Variants in FRK observed in about 807,000 individuals in gnomAD.
FRK encodes fyn related Src family tyrosine kinase, also known as tyrosine-protein kinase FRK.
Under a neutral mutation model 56.4 loss-of-function variants are expected in FRK, and 51 were observed. The ratio of observed to expected loss-of-function variants is 0.90; its 90% CI spans 0.72 to 1.14. FRK has a LOEUF of 1.14. Ranked by LOEUF, FRK falls within the 50% of genes most tolerant of loss-of-function variation. The pLI, the probability that FRK is intolerant of heterozygous loss-of-function variation, is 0.00. For synonymous variants in FRK, 245 were observed against 217.9 expected (o/e 1.12, Z -1.10); for missense variants, 570 against 601.4 (o/e 0.95, Z 0.55).
At position 116,027,842 on chromosome 6, in the gene FRK, A is replaced by G. The variant is rs563151886; in HGVS notation, c.345-23844T>C. Among the ~76,000 whole-genome samples the G allele has an allele frequency of 6.1e-4, 93 of 152,214 alleles. 1 individual carries two copies. In the South Asian group the frequency reaches 0.019, roughly 31 times the overall value. On this transcript the variant is annotated intron_variant, in intron 1 of 7. Transcript: ENST00000606080. ...TGAAACATGAGCTTTGAGTTTAAAA[A>G]AAAAAAGGCTGATATATAGGAGTGG...
At chr6:116,008,348 A>G (rs961888644) in intron 1 of FRK, among the ~76,000 whole-genome samples, 3 of 152,204 alleles carry the variant, frequency 2.0e-5, no homozygotes, top group African/African-American at 4.8e-5. Context: ...ATCACACTAG[A>G]ATTGAATCCA....
At chr6:116,066,878 T>C in the FRK span, among the ~76,000 whole-genome samples, 1 of 152,332 alleles carries the variant, frequency 6.6e-6, no homozygotes, top group East Asian at 1.9e-4. Flanking sequence ...CCACTCTGTC[T>C]AAAGTAGCAA....
rs977149310 is a variant in FRK, at chr6:115,994,328, C to T, written c.466+9549G>A. Among the ~76,000 whole-genome samples, 6 of 103,522 alleles carry T rather than the reference C, an allele frequency of 5.8e-5. 1 individual carries two copies. The highest frequency in any genetic ancestry group is 1.9e-4 in the African/African-American group (6 of 30,800). The allele number at this position is 103,522 out of a possible 152,430, so 67.9% of individuals were successfully genotyped here. A position where few individuals can be genotyped will look rare whatever the true frequency, so the allele number is the denominator to read the frequency against. ...GGTATCCAGAATCTCACAACCTCCC[C>T]CCCCCCCGCCTTTTTTTTGTCATTA... is the stretch of plus-strand genomic sequence containing the variant. On this transcript the variant is annotated intron_variant, in intron 2 of 7. Transcript: ENST00000606080.
chr6:116,088,520 T>C, the FRK span, among the ~76,000 whole-genome samples: 1 of 152,210 alleles, frequency 6.6e-6, no homozygotes, highest in Non-Finnish European at 1.5e-5. Flanking sequence ...AACATTTATA[T>C]TTTGTTGCAT....
At chr6:116,091,677 C>T in the FRK span, among the ~76,000 whole-genome samples, 1 of 152,172 alleles carries the variant, frequency 6.6e-6, no homozygotes, top group Non-Finnish European at 1.5e-5. Context: ...AAACACCAGG[C>T]AACTGTTGGC....
chr6:116,029,078 C>T (rs1165633442), intron 1 of FRK, among the ~76,000 whole-genome samples: 1 of 152,094 alleles, frequency 6.6e-6, no homozygotes, highest in Non-Finnish European at 1.5e-5. Flanking sequence ...AAGCTCCTTC[C>T]TCAGGGACTT....
At chr6:115,961,241 G>A (rs1773345865) in intron 4 of FRK, among the ~76,000 whole-genome samples, 1 of 111,848 alleles carries the variant, frequency 8.9e-6, no homozygotes, top group Non-Finnish European at 1.8e-5. Context: ...AGAACTACGT[G>A]AAGAATGCAG....
At chr6:116,041,614 A>T (rs1202335453) in intron 1 of FRK, among the ~76,000 whole-genome samples, 2 of 152,134 alleles carry the variant, frequency 1.3e-5, no homozygotes, top group Non-Finnish European at 2.9e-5. Flanking sequence ...CAGAAGAATG[A>T]GGCGTCGCCT....
intron 2 of FRK, among the ~76,000 whole-genome samples, chr6:115,972,507 T>C (rs1483316520): frequency 6.6e-6 from 1 of 152,198 alleles, no homozygotes; most frequent in African/African-American, 2.4e-5. Context: ...GGGGGTTCCA[T>C]AGTGTGCCAA....
At chr6:115,955,060 G>C (rs1772932216) in intron 5 of FRK, among the ~76,000 whole-genome samples, 1 of 152,046 alleles carries the variant, frequency 6.6e-6, no homozygotes, top group South Asian at 2.1e-4. Context: ...AGTAAAGGGG[G>C]AATAAAATTT....
intron 2 of FRK, among the ~76,000 whole-genome samples, chr6:115,969,722 A>G (rs1186840852): frequency 1.3e-5 from 2 of 152,178 alleles, no homozygotes; most frequent in Non-Finnish European, 2.9e-5. Flanking sequence ...AGCTATTGAC[A>G]GAATCCTGGC....
intron 1 of FRK, among the ~76,000 whole-genome samples, chr6:116,020,818 C>T (rs1372575774): frequency 6.6e-6 from 1 of 152,098 alleles, no homozygotes; most frequent in Non-Finnish European, 1.5e-5. Flanking sequence ...TAAAACTTTT[C>T]AAATATATTC....
chr6:116,026,939 G>A (rs1776116707), intron 1 of FRK, among the ~76,000 whole-genome samples: 1 of 152,050 alleles, frequency 6.6e-6, no homozygotes, highest in Admixed American at 6.6e-5. Flanking sequence ...GAGATGATAA[G>A]GAATTTATAA....
chr6:116,061,123 TC>T (rs1288019588), upstream of FRK, among the ~76,000 whole-genome samples: 5 of 152,214 alleles, frequency 3.3e-5, no homozygotes, highest in Non-Finnish European at 2.9e-5. Context: ...GAGATTTTTT[TC>T]CCTGACAAAT....
chr6:115,957,889 A>G (rs1417439770), intron 4 of FRK, among the ~76,000 whole-genome samples: 1 of 152,226 alleles, frequency 6.6e-6, no homozygotes, highest in African/African-American at 2.4e-5. Context: ...TAAGATCATT[A>G]CCAAGATAAT....
chr6:116,100,101 CAA>C, the FRK span, among the ~76,000 whole-genome samples: 1 of 152,188 alleles, frequency 6.6e-6, no homozygotes, highest in African/African-American at 2.4e-5. Context: ...ACCCGGTTTG[CAA>C]AAGTTTTTTG....
chr6:116,078,005 C>T, the FRK span, among the ~76,000 whole-genome samples: 1 of 152,240 alleles, frequency 6.6e-6, no homozygotes, highest in African/African-American at 2.4e-5. Flanking sequence ...ACTAAAAACA[C>T]AAAAATTAGC....
chr6:116,003,734 T>G (rs1181544883), intron 2 of FRK, 143 bp downstream of exon 2: 4 of 795,434 alleles, frequency 5.0e-6, no homozygotes, highest in Non-Finnish European at 7.8e-6. Flanking sequence ...ATATTACTCT[T>G]AAGTAGTTTA....
intron 1 of FRK, among the ~76,000 whole-genome samples, chr6:116,039,686 T>G (rs1377289627): frequency 6.6e-6 from 1 of 152,082 alleles, no homozygotes; most frequent in Non-Finnish European, 1.5e-5. Flanking sequence ...CACTCCCTTC[T>G]CCACTTAGTA....
Sources: gnomAD v4.1 joint callset for allele counts (sites outside exome capture counted in the v4.1 genomes callset) on GRCh38, gnomAD v4.1.1 for gene constraint, MANE v1.5 for transcripts, NCBI Gene and HGNC (gene_info 2026-07-23, HGNC 2026-07-21) for gene names.